The following KAZN variants were observed in gnomAD, a reference collection of about 807,000 sequenced individuals.
The protein encoded by KAZN is kazrin, periplakin interacting protein.
Under a neutral mutation model 87.4 loss-of-function variants are expected in KAZN, and 40 were observed. The ratio of observed to expected loss-of-function variants is 0.46; its 90% CI spans 0.36 to 0.60. The LOEUF (loss-of-function observed/expected upper bound fraction) is 0.60, where lower values mean the gene tolerates loss of function less well. Among genes scored for constraint, KAZN ranks in the 20% least tolerant of loss-of-function variants. The pLI is 0.00. For synonymous variants in KAZN, 466 were observed against 458.3 expected (o/e 1.02, Z -0.22); for missense variants, 898 against 1,073.9 (o/e 0.84, Z 2.29).
intron 2 of KAZN, among the ~76,000 whole-genome samples, chr1:14,321,311 G>A (rs1204754539): frequency 2.6e-5 from 4 of 152,116 alleles, no homozygotes; most frequent in African/African-American, 7.2e-5. Flanking sequence ...ATTTCGTATC[G>A]CGAATGGCCG....
At chr1:14,514,148 G>A (rs1398720900) in intron 2 of KAZN, among the ~76,000 whole-genome samples, 1 of 145,132 alleles carries the variant, frequency 6.9e-6, no homozygotes, top group East Asian at 2.0e-4. Flanking sequence ...GTGAAACCCC[G>A]TCTCTACTAA....
intron 2 of KAZN, among the ~76,000 whole-genome samples, chr1:14,495,909 C>T (rs1669916367): frequency 6.6e-6 from 1 of 152,140 alleles, no homozygotes; most frequent in Admixed American, 6.5e-5. Flanking sequence ...TCAGTGGAAC[C>T]AACGTTCTTT....
intron 1 of KAZN, among the ~76,000 whole-genome samples, chr1:14,788,461 G>A (rs1645576320): frequency 6.6e-6 from 1 of 150,944 alleles, no homozygotes; most frequent in South Asian, 2.1e-4. Flanking sequence ...TGAATTCATG[G>A]GGAGGCAGCC....
chr1:14,640,406 A>G (rs1162887436), intron 1 of KAZN, among the ~76,000 whole-genome samples: 1 of 152,144 alleles, frequency 6.6e-6, no homozygotes, highest in East Asian at 1.9e-4. Flanking sequence ...TCATGATTGC[A>G]CAGGGTCCAG....
chr1:14,790,000 T>C (rs1472306515), intron 1 of KAZN, among the ~76,000 whole-genome samples: 2 of 151,858 alleles, frequency 1.3e-5, no homozygotes, highest in East Asian at 1.9e-4. Flanking sequence ...TTTCTTTTTT[T>C]TTCTTTTTTC....
intron 1 of KAZN, among the ~76,000 whole-genome samples, chr1:14,912,686 T>G (rs1193895769): frequency 6.6e-6 from 1 of 152,142 alleles, no homozygotes; most frequent in African/African-American, 2.4e-5. Context: ...CAGCCTAATT[T>G]TTTCAAAAAG....
intron 2 of KAZN, among the ~76,000 whole-genome samples, chr1:14,548,198 AT>A (rs1199211988): frequency 0.014 from 1,857 of 132,910 alleles, 17 homozygotes; most frequent in African/African-American, 0.037. Flanking sequence ...CTCTTCGTGC[AT>A]TTTTTTTTTT....
intron 2 of KAZN, among the ~76,000 whole-genome samples, chr1:15,015,007 T>C (rs1457434394): frequency 6.6e-6 from 1 of 152,210 alleles, no homozygotes; most frequent in Admixed American, 6.5e-5. Flanking sequence ...TAGTAGTTAA[T>C]AATTATAGCA....
At chr1:14,931,604 C>A (rs544072236) in intron 1 of KAZN, among the ~76,000 whole-genome samples, 1 of 152,178 alleles carries the variant, frequency 6.6e-6, no homozygotes, top group South Asian at 2.1e-4. Flanking sequence ...GATTCTCAGG[C>A]TCCCCTCCTC....
chr1:15,074,263 G>C (rs187485845), intron 8 of KAZN, among the ~76,000 whole-genome samples: 9 of 152,366 alleles, frequency 5.9e-5, no homozygotes, highest in African/African-American at 2.2e-4. Context: ...CCGCCTCCCT[G>C]CCCTTTAGCC....
intron 1 of KAZN, among the ~76,000 whole-genome samples, chr1:13,909,704 G>A (rs1639579401): frequency 6.6e-6 from 1 of 152,196 alleles, no homozygotes; most frequent in Non-Finnish European, 1.5e-5. Context: ...TGAAGGCCTG[G>A]TTTAAAAATG....
chr1:14,445,071 G>C (rs1220766908), intron 2 of KAZN, among the ~76,000 whole-genome samples: 1 of 151,788 alleles, frequency 6.6e-6, no homozygotes, highest in African/African-American at 2.4e-5. Context: ...TGCCACCCAG[G>C]CTGGAGTGCA....
At chr1:13,924,337 GACTTCA>G (rs964946831) in intron 1 of KAZN, among the ~76,000 whole-genome samples, 2 of 152,098 alleles carry the variant, frequency 1.3e-5, no homozygotes, top group African/African-American at 4.8e-5. Flanking sequence ...GTATGAAGGG[GACTTCA>G]ACTTCAGTAA....
At chr1:14,370,448 C>G (rs1660386124) in intron 2 of KAZN, among the ~76,000 whole-genome samples, 1 of 152,190 alleles carries the variant, frequency 6.6e-6, no homozygotes, top group African/African-American at 2.4e-5. Flanking sequence ...CCCTCCCTTC[C>G]CCCAAGGAAC....
At chr1:15,044,246 G>T in intron 4 of KAZN, 87 bp downstream of exon 4, 5 of 532,046 alleles carry the variant, frequency 9.4e-6, no homozygotes, top group Non-Finnish European at 1.4e-5. Flanking sequence ...ACTCACATCG[G>T]AGACCTAGGG....
chr1:15,078,722 C>T (rs1051475071), intron 8 of KAZN, among the ~76,000 whole-genome samples: 1 of 152,214 alleles, frequency 6.6e-6, no homozygotes, highest in Non-Finnish European at 1.5e-5. Flanking sequence ...CATCGGTCTG[C>T]AGCGCGCATG....
chr1:14,604,013 T>A (rs1388000433), intron 1 of KAZN, among the ~76,000 whole-genome samples: 7 of 152,192 alleles, frequency 4.6e-5, no homozygotes, highest in African/African-American at 1.7e-4. Context: ...CAACACGAAC[T>A]CCTCTGTTCT....
Position 15,092,172 on chromosome 1 carries a change from G to A in KAZN, c.1223-2008G>A, listed in dbSNP as rs576730353. Among the ~76,000 whole-genome samples, 3 of 150,454 alleles carry A rather than the reference G, an allele frequency of 2.0e-5. No individual in the cohort carries two copies. In the South Asian group the frequency reaches 6.3e-4, roughly 32 times the overall value. Reference sequence around the variant, plus strand: ...GCTCACCTCAACCTCCGCCTCCTGGGTTCAAGCGATTCTCCTGCCTCAGCC... The same window carrying A: ...GCTCACCTCAACCTCCGCCTCCTGGATTCAAGCGATTCTCCTGCCTCAGCC... On this transcript the variant is annotated intron_variant, in intron 8 of 14. Transcript: ENST00000376030.
intron 2 of KAZN, among the ~76,000 whole-genome samples, chr1:14,477,464 TTCTC>T (rs1199519230): frequency 1.5e-5 from 2 of 135,550 alleles, no homozygotes; most frequent in East Asian, 2.0e-4. Flanking sequence ...CTCTCTCTCT[TTCTC>T]TCTCTCTCTC....
Sources: gnomAD v4.1 joint callset for allele counts (sites outside exome capture counted in the v4.1 genomes callset) on GRCh38, gnomAD v4.1.1 for gene constraint, MANE v1.5 for transcripts, NCBI Gene and HGNC (gene_info 2026-07-23, HGNC 2026-07-21) for gene names.